The following ARAP3 variants were observed in gnomAD, a reference collection of about 807,000 sequenced individuals.
ARAP3 encodes ArfGAP with RhoGAP domain, ankyrin repeat and PH domain 3, also known as arf-GAP with Rho-GAP domain, ANK repeat and PH domain-containing protein 3.
In ARAP3, 82 loss-of-function variants were observed where a neutral mutation model predicts 169.2. The ratio of observed to expected loss-of-function variants is 0.48; its 90% CI spans 0.41 to 0.58. The LOEUF (loss-of-function observed/expected upper bound fraction) is 0.58. Among genes scored for constraint, ARAP3 ranks in the 20% least tolerant of loss-of-function variants. The probability of loss-of-function intolerance (pLI) is 0.00; values close to 1 mark genes in which losing one functional copy is unlikely to be tolerated. For synonymous variants in ARAP3, 791 were observed against 800.3 expected, an observed-to-expected ratio of 0.99 and a Z score of 0.20; for missense variants, 1,764 against 2,018.0, an observed-to-expected ratio of 0.87 and a Z score of 2.41.
At chr5:141,666,800 G>A (rs2099910711) in intron 16 of ARAP3, 157 bp from the exon 17 acceptor site, 1 of 426,052 alleles carries the variant, frequency 2.3e-6, no homozygotes, top group South Asian at 7.3e-5. Context: ...AGAGAGCAGA[G>A]GAGACAGCCA....
intron 23 of ARAP3, 132 bp downstream of exon 23, chr5:141,659,275 CT>C: frequency 5.0e-6 from 4 of 798,198 alleles, no homozygotes; most frequent in Non-Finnish European, 8.4e-6. Flanking sequence ...TGGGTTCCCC[CT>C]GTCTCCCAAA....
chr5:141,659,952 T>A, intron 21 of ARAP3, 26 bp from the exon 22 acceptor site: 1 of 1,538,228 alleles, frequency 6.5e-7, no homozygotes. Context: ...ACGGTCTTCA[T>A]CAGTGTAGCC....
At position 141,666,571 on chromosome 5, in the gene ARAP3, A is replaced by G. The variant is rs749485268; in HGVS notation, c.2425T>C (p.Ser809Pro). Residue 809 changes from serine (S) to proline (P), a missense_variant, in exon 17 of 33, where the codon TCC (serine) becomes CCC (proline). By Grantham distance (74) the Ser-to-Pro change is moderately conservative. This residue lies in a region of ARAP3 where 1,112 missense variants were observed against 1,285.7 expected (regional missense o/e 0.86). Transcript: ENST00000239440. Reference protein sequence around the residue: ...LLRLGRLWLRSPSHTAPAPGL... With the variant: ...LLRLGRLWLRPPSHTAPAPGL... Reference sequence around the variant, plus strand: ...GGGGCCGGGGCTGTATGGGAGGGGGACCGCAGCCATAGGCGGCCCAGCCGC... The same window carrying G: ...GGGGCCGGGGCTGTATGGGAGGGGGGCCGCAGCCATAGGCGGCCCAGCCGC... 2.6e-6 allele frequency: 4 copies of G among 1,553,406 alleles called. No individual in the cohort carries two copies. Among genetic ancestry groups the G allele is most frequent in the Admixed American group, 2.0e-5 (1 of 49,464 alleles).
At chr5:141,681,856 G>A (rs1185907335) in intron 1 of ARAP3, among the ~76,000 whole-genome samples, 6 of 152,016 alleles carry the variant, frequency 3.9e-5, no homozygotes, top group Admixed American at 3.9e-4. Flanking sequence ...CCCGCGTGCT[G>A]AGCCTCGGGC....
At position 141,672,080 on chromosome 5, in the gene ARAP3, TG is replaced by T. The variant is rs1362914269; in HGVS notation, c.1585+21del. On this transcript the variant is annotated intron_variant, in intron 10 of 32. Transcript: ENST00000239440. This position sits in a 1 kb window ranked among gnomAD's most constrained non-coding sequence, Gnocchi z 4.9. ...AGTCCCAGCCCTCCTGTTCCCCACA[TG>T]GGCTTGAGGCCATTCCTCACCTGCA... is the stretch of plus-strand genomic sequence containing the variant. 1 of 1,613,924 alleles carries T rather than the reference TG, an allele frequency of 6.2e-7. No homozygotes were observed. Among genetic ancestry groups the T allele is most frequent in the African/African-American group, 1.3e-5 (1 of 74,894 alleles).
chr5:141,658,491 G>T lies in ARAP3; in HGVS notation c.3412-12C>A, dbSNP rs1341161597. 3 of 1,614,026 alleles carry T rather than the reference G, an allele frequency of 1.9e-6. No individual in the cohort carries two copies. The highest frequency in any genetic ancestry group is 2.5e-6 in the Non-Finnish European group (3 of 1,179,908). On this transcript the variant is annotated splice_polypyrimidine_tract_variant and intron_variant, in intron 24 of 32. Transcript: ENST00000239440. Reference sequence around the variant, plus strand: ...AGGGTTGGGGACACCTGGGGTCAGGGCAAGAGCAGAGAATTCATGCTGGTC... The same window carrying T: ...AGGGTTGGGGACACCTGGGGTCAGGTCAAGAGCAGAGAATTCATGCTGGTC...
At chr5:141,654,500 C>T in intron 32 of ARAP3, 65 bp from the exon 33 acceptor site, 2 of 1,506,806 alleles carry the variant, frequency 1.3e-6, no homozygotes, top group Non-Finnish European at 1.8e-6. Flanking sequence ...GAATCACTAA[C>T]ATTTACTGAG....
At position 141,670,616 on chromosome 5, in the gene ARAP3, C is replaced by G. The variant is rs1335007133; in HGVS notation, c.2003G>C (p.Gly668Ala). The change falls in exon 14 of 33, where the codon GGT becomes GCT. Residue 668 changes from glycine (G) to alanine (A), a missense_variant. By Grantham distance (60) the Gly-to-Ala change is moderately conservative (BLOSUM62 0). Coordinates refer to ENST00000239440, the MANE Select transcript of ARAP3 (RefSeq NM_022481.6). ...PGLLPSDPSP[G>A]VYNEVVVRAT... Reference sequence around the variant, plus strand: ...ACGCACCACCACCTCATTGTACACACCAGGGGAGGGGTCTGCAAGGGGAAG... The same window carrying G: ...ACGCACCACCACCTCATTGTACACAGCAGGGGAGGGGTCTGCAAGGGGAAG... 6.2e-7 allele frequency: 1 copy of G among 1,613,828 alleles called. No individual in the cohort carries two copies. The highest frequency in any genetic ancestry group is 2.2e-5 in the East Asian group (1 of 44,862).
chr5:141,679,909 G>GCTCTCCTCCC (rs2099912749), intron 2 of ARAP3, 54 bp downstream of exon 2: 1 of 1,612,120 alleles, frequency 6.2e-7, no homozygotes, highest in African/African-American at 1.3e-5. Flanking sequence ...TCCCCCTCAT[G>GCTCTCCTCCC]CTCTCCTCCC....
At chr5:141,669,644 G>A in intron 16 of ARAP3, 65 bp downstream of exon 16, 1 of 1,460,084 alleles carries the variant, frequency 6.8e-7, no homozygotes. Flanking sequence ...TAAGAGAGGA[G>A]AAGATGGGAG....
intron 16 of ARAP3, among the ~76,000 whole-genome samples, chr5:141,667,382 C>CT (rs1213753956): frequency 1.3e-5 from 2 of 151,462 alleles, no homozygotes; most frequent in African/African-American, 4.9e-5. Flanking sequence ...GGGTTTTTTC[C>CT]TTTTTCCTTC....
At chr5:141,670,189 T>A in intron 14 of ARAP3, 126 bp from the exon 15 acceptor site, 1 of 1,309,592 alleles carries the variant, frequency 7.6e-7, no homozygotes, top group Non-Finnish European at 1.0e-6. Context: ...ATCTTCACAA[T>A]AACCCTATGA....
chr5:141,678,254 A>C (rs1159260347), intron 4 of ARAP3, among the ~76,000 whole-genome samples: 2 of 151,426 alleles, frequency 1.3e-5, no homozygotes, highest in East Asian at 3.9e-4. Context: ...CCTGACCCTT[A>C]TCTGGCCTCT....
At position 141,679,604 on chromosome 5, in the gene ARAP3, A is replaced by C. The variant is rs2099912694; in HGVS notation, c.639T>G (p.Thr213=). 6.2e-7 allele frequency: 1 copy of C among 1,614,024 alleles called. No homozygotes were observed. Among genetic ancestry groups the C allele is most frequent in the African/African-American group, 1.3e-5 (1 of 74,898 alleles). ...TCTCTCTTCTGTCGGGGGCTCCTGG[A>C]GTCCCCACAGGTTGGACACCATAGT... ...CLYYGVQPVG[T]PGAPDRRESR... The change falls in exon 4 of 33, where the codon ACT becomes ACG. Residue 213 remains threonine, a synonymous_variant. Transcript: ENST00000239440.
rs199962218 is a variant in ARAP3, at chr5:141,662,036, G to A, written c.3013+7C>T. The A allele has an allele frequency of 1.9e-5, 31 of 1,614,064 alleles. No homozygotes were observed. In the Admixed American group the frequency reaches 4.0e-4, roughly 21 times the overall value. ...TGGGCCTTGGCTCTCAGGGATCTTA[G>A]GAATACCAGCAGCCTCCCTCCAGCG... is the stretch of plus-strand genomic sequence containing the variant. On this transcript the variant is annotated splice_region_variant and intron_variant, in intron 20 of 32. Transcript: ENST00000239440.
chr5:141,673,644 G>T lies in ARAP3; in HGVS notation c.863C>A (p.Pro288His). 1.9e-6 allele frequency: 3 copies of T among 1,614,218 alleles called. No individual in the cohort carries two copies. Among genetic ancestry groups the T allele is most frequent in the Non-Finnish European group, 2.5e-6 (3 of 1,180,040 alleles). The change falls in exon 5 of 33, where the codon CCC (proline) becomes CAC (histidine). Residue 288 changes from proline to histidine, a missense_variant. By Grantham distance (77) the Pro-to-His change is moderately conservative. Transcript: ENST00000239440. ...CTTGTCTAGCCAGCCACTGAGCAGG[G>T]GCGTGAGGCGGTCTGCCGTGAAGGA... ...SFSFTADRLT[P>H]LLSGWLDKLS...
Position 141,679,792 on chromosome 5 carries a change from G to A in ARAP3, c.555C>T (p.Pro185=), listed in dbSNP as rs756600715. Residue 185 remains proline (P), a synonymous_variant, in exon 3 of 33, where the codon CCC becomes CCT. Transcript: ENST00000239440. ...CTGTTGTGGGCCTGAGGGCAGGGGT[G>A]GGGGCAGAGATTTGGGAGCTGTCTG... The part of the protein sequence containing the change: ...KAPDSSQISA[P]TPALRPTTGT... The A allele has an allele frequency of 6.2e-7, 1 of 1,613,592 alleles. No individual in the cohort carries two copies. The highest frequency in any genetic ancestry group is 8.5e-7 in the Non-Finnish European group (1 of 1,179,874).
Position 141,665,300 on chromosome 5 carries a change from G to A in ARAP3, c.2636+11C>T. 1 of 1,614,128 alleles carries A rather than the reference G, an allele frequency of 6.2e-7. No homozygotes were observed. The highest frequency in any genetic ancestry group is 8.5e-7 in the Non-Finnish European group (1 of 1,180,002). Reference sequence around the variant, plus strand: ...AAGGGGAGCCCCAGGTCAAGGGCAGGGGCAATTTACCTTCCTGTCTCCACC... The same window carrying A: ...AAGGGGAGCCCCAGGTCAAGGGCAGAGGCAATTTACCTTCCTGTCTCCACC... On this transcript the variant is annotated intron_variant, in intron 18 of 32. Coordinates refer to ENST00000239440, the MANE Select transcript of ARAP3 (RefSeq NM_022481.6).
At chr5:141,678,742 C>T (rs1462823201) in intron 4 of ARAP3, among the ~76,000 whole-genome samples, 1 of 152,012 alleles carries the variant, frequency 6.6e-6, no homozygotes, top group African/African-American at 2.4e-5. Context: ...TCTGCCTCAG[C>T]CTCCCAAAGT....
Sources: gnomAD v4.1 joint callset for allele counts (sites outside exome capture counted in the v4.1 genomes callset) on GRCh38, gnomAD v4.1.1 for gene constraint, gnomAD v4.1.1 regional missense constraint, Gnocchi (gnomAD v3.1) non-coding constraint, MANE v1.5 for transcripts, NCBI Gene and HGNC (gene_info 2026-07-23, HGNC 2026-07-21) for gene names.